The following ZUP1 variants were observed in gnomAD, a reference collection of about 807,000 sequenced individuals.
The protein encoded by ZUP1 is zinc finger-containing ubiquitin peptidase 1.
Under a neutral mutation model 68.1 loss-of-function variants are expected in ZUP1, and 55 were observed. The observed-to-expected ratio is 0.81, with a 90% CI of 0.65 to 1.01. The LOEUF (loss-of-function observed/expected upper bound fraction) is 1.01, where lower values mean the gene tolerates loss of function less well. Among genes scored for constraint, ZUP1 ranks in the 50% least tolerant of loss-of-function variants. ZUP1 has a pLI of 0.00. For missense variants in ZUP1, 684 were observed against 674.9 expected (o/e 1.01, Z -0.15); for synonymous variants, 223 against 221.5 (o/e 1.01, Z -0.06).
At chr6:116,660,521 T>C (rs1776802343) in intron 3 of ZUP1, among the ~76,000 whole-genome samples, 1 of 152,226 alleles carries the variant, frequency 6.6e-6, no homozygotes, top group Non-Finnish European at 1.5e-5. Context: ...ATGTGCCATA[T>C]GGCAGTTTTC....
chr6:116,641,308 G>C (rs1776089323), intron 9 of ZUP1, among the ~76,000 whole-genome samples: 1 of 152,112 alleles, frequency 6.6e-6, no homozygotes, highest in Non-Finnish European at 1.5e-5. Flanking sequence ...AGAATACCCA[G>C]GAATTGAACT....
At chr6:116,639,875 C>T (rs1242520760) in intron 9 of ZUP1, among the ~76,000 whole-genome samples, 12 of 152,174 alleles carry the variant, frequency 7.9e-5, no homozygotes, top group East Asian at 5.8e-4. Flanking sequence ...AGGCTTCAGA[C>T]GATCAAACTA....
chr6:116,642,025 A>C (rs1365640343), intron 9 of ZUP1, among the ~76,000 whole-genome samples: 6 of 152,346 alleles, frequency 3.9e-5, no homozygotes, highest in African/African-American at 1.2e-4. Flanking sequence ...TCCCACAGAA[A>C]TACAAACTAC....
chr6:116,641,675 G>A (rs1167422882), intron 9 of ZUP1, among the ~76,000 whole-genome samples: 1 of 152,086 alleles, frequency 6.6e-6, no homozygotes, highest in African/African-American at 2.4e-5. Flanking sequence ...CAATCTCTGG[G>A]ACACATTCAA....
intron 5 of ZUP1, among the ~76,000 whole-genome samples, chr6:116,654,742 A>G (rs902934645): frequency 6.6e-6 from 1 of 152,078 alleles, no homozygotes; most frequent in East Asian, 1.9e-4. Flanking sequence ...ACAACTCAAT[A>G]GAGAATAGAG....
intron 9 of ZUP1, among the ~76,000 whole-genome samples, chr6:116,638,905 C>A (rs1775989196): frequency 6.6e-6 from 1 of 152,200 alleles, no homozygotes; most frequent in Non-Finnish European, 1.5e-5. Context: ...TCGGGAAGCG[C>A]AAGGGGTCAG....
rs143972636 is a variant in ZUP1, at chr6:116,666,762, C to G, written c.431G>C (p.Gly144Ala). 1 of 1,613,838 alleles carries G rather than the reference C, an allele frequency of 6.2e-7. No individual in the cohort carries two copies. Among genetic ancestry groups the G allele is most frequent in the South Asian group, 1.1e-5 (1 of 91,044 alleles). ...EKQSSLTEIK[G>A]SVYETTYSPP... is the part of the protein sequence containing the mutation. ...ACTGTATGTTGTTTCATAAACAGAT[C>G]CTTTTATTTCGGTCAGGCTGGACTG... Residue 144 changes from glycine to alanine, a missense_variant, in exon 2 of 10, where the codon GGA becomes GCA. Gly to Ala is a moderately conservative substitution (Grantham distance 60). Transcript: ENST00000368576.
intron 9 of ZUP1, among the ~76,000 whole-genome samples, chr6:116,638,869 T>C (rs181274289): frequency 1.1e-3 from 175 of 152,182 alleles, no homozygotes; most frequent in African/African-American, 4.1e-3. Context: ...ATGCGCCAGA[T>C]GAAGCAGGGC....
chr6:116,657,115 A>T (rs1776695197), intron 4 of ZUP1, among the ~76,000 whole-genome samples: 1 of 152,112 alleles, frequency 6.6e-6, no homozygotes. Flanking sequence ...GGGAAAGCAG[A>T]GGATCCTGTC....
chr6:116,640,740 A>T (rs1410160327), intron 9 of ZUP1, among the ~76,000 whole-genome samples: 1 of 152,072 alleles, frequency 6.6e-6, no homozygotes, highest in Admixed American at 6.6e-5. Context: ...AATCATGCCA[A>T]AATGTAAAGA....
intron 2 of ZUP1, among the ~76,000 whole-genome samples, chr6:116,663,477 G>GT (rs1776905182): frequency 6.6e-6 from 1 of 152,076 alleles, no homozygotes; most frequent in African/African-American, 2.4e-5. Flanking sequence ...AAATTCACCA[G>GT]TTTACTGGTC....
intron 9 of ZUP1, among the ~76,000 whole-genome samples, chr6:116,638,799 C>T (rs796091008): frequency 7.2e-5 from 11 of 152,246 alleles, no homozygotes; most frequent in East Asian, 1.9e-4. Flanking sequence ...TCTGAGGTAC[C>T]GGGTTCATCT....
chr6:116,643,591 G>A (rs922622965), intron 9 of ZUP1, among the ~76,000 whole-genome samples: 3 of 152,176 alleles, frequency 2.0e-5, no homozygotes, highest in Non-Finnish European at 4.4e-5. Context: ...ATGGGGAAAG[G>A]ATTTCCTATT....
intron 2 of ZUP1, among the ~76,000 whole-genome samples, chr6:116,665,153 A>T (rs1391122626): frequency 2.0e-5 from 3 of 152,220 alleles, no homozygotes; most frequent in Non-Finnish European, 4.4e-5. Flanking sequence ...GACAATATAC[A>T]GTTGAAAAAT....
chr6:116,651,331 C>G (rs1255105579), intron 7 of ZUP1, among the ~76,000 whole-genome samples: 1 of 151,902 alleles, frequency 6.6e-6, no homozygotes, highest in Non-Finnish European at 1.5e-5. Flanking sequence ...ACTCATAAAC[C>G]AAGAAACAGC....
chr6:116,654,790 AACTC>A (rs1776616157), intron 5 of ZUP1, among the ~76,000 whole-genome samples: 1 of 152,110 alleles, frequency 6.6e-6, no homozygotes, highest in Non-Finnish European at 1.5e-5. Flanking sequence ...AGAGGAAACT[AACTC>A]AGGAGTAATC....
rs547936783 is a variant in ZUP1 at position 116,642,009 on chromosome 6, C to T, written c.1689+3705G>A. Among the ~76,000 whole-genome samples the T allele has an allele frequency of 5.3e-5, 8 of 152,184 alleles. No individual in the cohort carries two copies. The East Asian group carries it at 1.5e-3, about 29-fold the overall frequency. ...TAAAAAATGATAAAGGGGATATCAC[C>T]ACCGATCCCACAGAAATACAAACTA... On this transcript the variant is annotated intron_variant, in intron 9 of 9. Transcript: ENST00000368576.
intron 2 of ZUP1, among the ~76,000 whole-genome samples, chr6:116,665,936 TA>T (rs1159239237): frequency 2.0e-5 from 3 of 151,948 alleles, no homozygotes; most frequent in African/African-American, 7.3e-5. Context: ...CATAAGATCC[TA>T]AATGTGTACA....
At chr6:116,650,194 G>A (rs987020295) in intron 7 of ZUP1, among the ~76,000 whole-genome samples, 13 of 152,028 alleles carry the variant, frequency 8.6e-5, no homozygotes, top group Admixed American at 2.0e-4. Context: ...AAGCCGAGGC[G>A]GGTGGATCAC....
Sources: allele counts gnomAD v4.1 joint callset (sites outside exome capture counted in the v4.1 genomes callset), GRCh38; gene constraint gnomAD v4.1.1; transcripts MANE v1.5; gene names NCBI Gene and HGNC (gene_info 2026-07-23, HGNC 2026-07-21).